KIF16B: variants seen among roughly 807,000 people sequenced by gnomAD.
KIF16B encodes kinesin family member 16B.
Under a neutral mutation model 156.3 loss-of-function variants are expected in KIF16B, and 98 were observed. The ratio of observed to expected loss-of-function variants is 0.63; its 90% confidence interval spans 0.53 to 0.74. The LOEUF is 0.74. Ranked by LOEUF, KIF16B falls within the 30% of genes least tolerant of loss-of-function variation. The pLI is 0.00. For missense variants in KIF16B, 1,421 were observed against 1,606.5 expected, an observed-to-expected ratio of 0.88 and a Z score of 1.97; for synonymous variants, 564 against 583.7, an observed-to-expected ratio of 0.97 and a Z score of 0.49.
At chr20:16,374,444 A>G (rs763791933) in intron 19 of KIF16B, 35 bp from the exon 20 acceptor site, 10 of 1,473,088 alleles carry the variant, frequency 6.8e-6, no homozygotes, top group Admixed American at 4.1e-5. Flanking sequence ...TCATTCATTA[A>G]TAGTATTTCC....
chr20:16,273,334 A>G lies in KIF16B; in HGVS notation c.3873T>C (p.Thr1291=), dbSNP rs776849324. ...ACTCACAAATGGTATGTTTCGAGAG[A>G]GTCAGTCCCACTTTGTTGATGTGGA... ...SPLHINKVGL[T]LSKHTICEFS... The change falls in exon 26 of 26, where the codon ACT becomes ACC. Residue 1291 remains threonine (T), a synonymous_variant. Coordinates refer to ENST00000354981, the MANE Select transcript of KIF16B (RefSeq NM_024704.5). 1 of 1,613,716 alleles carries G rather than the reference A, an allele frequency of 6.2e-7. No individual in the cohort carries two copies. The highest frequency in any genetic ancestry group is 8.5e-7 in the Non-Finnish European group (1 of 1,179,632).
intron 1 of KIF16B, among the ~76,000 whole-genome samples, chr20:16,558,376 G>T (rs561121032): frequency 1.3e-5 from 2 of 152,330 alleles, no homozygotes; most frequent in South Asian, 4.1e-4. Flanking sequence ...CCAATGAAGG[G>T]TGAGCATTAT....
At chr20:16,528,694 A>T (rs375911658) in intron 1 of KIF16B, among the ~76,000 whole-genome samples, 11 of 152,180 alleles carry the variant, frequency 7.2e-5, no homozygotes, top group East Asian at 5.8e-4. Flanking sequence ...TCCAATTGTA[A>T]GCCAAAAGAA....
At chr20:16,306,259 C>A (rs2063539240) in intron 25 of KIF16B, among the ~76,000 whole-genome samples, 2 of 152,054 alleles carry the variant, frequency 1.3e-5, no homozygotes, top group Admixed American at 1.3e-4. Context: ...CTCATTGATA[C>A]TTATCTATTT....
chr20:16,287,093 A>G (rs966631370), intron 25 of KIF16B, among the ~76,000 whole-genome samples: 1 of 152,240 alleles, frequency 6.6e-6, no homozygotes, highest in African/African-American at 2.4e-5. Context: ...TAAGGTGCCA[A>G]GTTTTAGGGC....
intron 17 of KIF16B, among the ~76,000 whole-genome samples, chr20:16,384,473 G>A (rs1291423451): frequency 6.6e-6 from 1 of 152,188 alleles, no homozygotes; most frequent in Non-Finnish European, 1.5e-5. Context: ...TATAGGAGAG[G>A]TGGCAAGACA....
In KIF16B at chr20:16,506,207, A is replaced by C. The variant is rs370821212; in HGVS notation, c.700-17T>G. 21 of 1,612,558 alleles carry C rather than the reference A, an allele frequency of 1.3e-5. No individual in the cohort carries two copies. The highest frequency in any genetic ancestry group is 1.7e-5 in the Admixed American group (1 of 59,994). On this transcript the variant is annotated splice_polypyrimidine_tract_variant and intron_variant, in intron 7 of 25. Transcript: ENST00000354981. Reference sequence around the variant, plus strand: ...AAATTTAGCCTGTGGTAAAATAAAAAAGTAAAATTGAAGAGGTGCAAAGGG... The same window carrying C: ...AAATTTAGCCTGTGGTAAAATAAAACAGTAAAATTGAAGAGGTGCAAAGGG...
intron 12 of KIF16B, among the ~76,000 whole-genome samples, chr20:16,472,991 C>G (rs2067706555): frequency 6.6e-6 from 1 of 152,120 alleles, no homozygotes; most frequent in South Asian, 2.1e-4. Context: ...TTTCAGAATG[C>G]CACTATCTTC....
chr20:16,523,859 C>G (rs991818386), intron 3 of KIF16B, among the ~76,000 whole-genome samples: 1 of 152,086 alleles, frequency 6.6e-6, no homozygotes, highest in African/African-American at 2.4e-5. Flanking sequence ...TGGAACAGAA[C>G]AGAGGCCGCA....
intron 24 of KIF16B, among the ~76,000 whole-genome samples, chr20:16,322,066 C>G (rs534721536): frequency 6.6e-6 from 1 of 151,988 alleles, no homozygotes; most frequent in East Asian, 1.9e-4. Flanking sequence ...AGGAAACAAA[C>G]AAATGAGGAT....
At chr20:16,481,179 T>C (rs2067973490) in intron 12 of KIF16B, among the ~76,000 whole-genome samples, 1 of 152,120 alleles carries the variant, frequency 6.6e-6, no homozygotes, top group Admixed American at 6.6e-5. Context: ...CCCCAGTGAT[T>C]CTGAGTGGAA....
rs376617237 is a variant in KIF16B at position 16,504,386 on chromosome 20, C to T, written c.1162G>A (p.Ala388Thr). 2.7e-4 allele frequency: 439 copies of T among 1,613,878 alleles called. 1 individual carries two copies. Among genetic ancestry groups the T allele is most frequent in the Non-Finnish European group, 3.6e-4 (419 of 1,179,938 alleles). Reference protein sequence around the residue: ...AEIARLKTLLAQGNQIALLDS... With the variant: ...AEIARLKTLLTQGNQIALLDS... ...AAAAACCCAACCTGATTCCCTTGAG[C>T]AAGCAGCGTTTTCAGTCTGGCTATT... Residue 388 changes from alanine (A) to threonine (T), a missense_variant, in exon 10 of 26, where the codon GCT becomes ACT. Ala to Thr is a moderately conservative substitution (Grantham distance 58, BLOSUM62 0). Transcript: ENST00000354981.
intron 24 of KIF16B, among the ~76,000 whole-genome samples, chr20:16,317,259 G>A (rs928268102): frequency 3.3e-5 from 5 of 152,162 alleles, no homozygotes; most frequent in African/African-American, 9.7e-5. Context: ...TCTGTAGGTG[G>A]AGAGACTCCT....
Position 16,370,644 on chromosome 20 carries a change from G to T in KIF16B, c.3448-8C>A, listed in dbSNP as rs2064794555. ...GTGAAGTTTCTCATTATCCTGAAAA[G>T]AAAAGAAAAAGCCCTCTATATTAAA... On this transcript the variant is annotated splice_polypyrimidine_tract_variant and splice_region_variant and intron_variant, in intron 21 of 25. Transcript: ENST00000354981. The T allele has an allele frequency of 1.3e-6, 2 of 1,580,350 alleles. No individual in the cohort carries two copies. The highest frequency in any genetic ancestry group is 1.7e-6 in the Non-Finnish European group (2 of 1,170,062).
chr20:16,461,687 T>G (rs1321423242), intron 12 of KIF16B, among the ~76,000 whole-genome samples: 1 of 152,186 alleles, frequency 6.6e-6, no homozygotes. Flanking sequence ...AATTCCCAAT[T>G]TAACACTTGG....
intron 12 of KIF16B, among the ~76,000 whole-genome samples, chr20:16,472,341 T>C (rs754640469): frequency 3.3e-5 from 5 of 152,106 alleles, no homozygotes; most frequent in Non-Finnish European, 4.4e-5. Context: ...TTACATAGAT[T>C]ATTCCAGTGA....
intron 25 of KIF16B, among the ~76,000 whole-genome samples, chr20:16,294,198 C>G (rs1265114480): frequency 6.6e-6 from 1 of 152,066 alleles, no homozygotes; most frequent in Non-Finnish European, 1.5e-5. Flanking sequence ...ACACACAAAA[C>G]AGCAATAAGT....
At chr20:16,378,568 G>C (rs1266103775) in intron 19 of KIF16B, among the ~76,000 whole-genome samples, 2 of 152,132 alleles carry the variant, frequency 1.3e-5, no homozygotes, top group Non-Finnish European at 2.9e-5. Context: ...GCTTTTGTTT[G>C]TGTGTTTTTC....
At chr20:16,303,632 T>C (rs886631380) in intron 25 of KIF16B, among the ~76,000 whole-genome samples, 3 of 152,228 alleles carry the variant, frequency 2.0e-5, no homozygotes, top group African/African-American at 7.2e-5. Flanking sequence ...TGAACAAATA[T>C]TTACTGAGGA....
Sources: allele counts gnomAD v4.1 joint callset (sites outside exome capture counted in the v4.1 genomes callset), GRCh38; gene constraint gnomAD v4.1.1; transcripts MANE v1.5; gene names NCBI Gene and HGNC (gene_info 2026-07-23, HGNC 2026-07-21).